TMEM59: variants seen among roughly 807,000 people sequenced by gnomAD.
TMEM59 encodes the protein dendritic cell factor 1.
Under a neutral mutation model 42.2 loss-of-function variants are expected in TMEM59, and 44 were observed. The ratio of observed to expected loss-of-function variants is 1.04; its 90% confidence interval spans 0.82 to 1.34. The LOEUF (loss-of-function observed/expected upper bound fraction) is 1.34. Ranked by LOEUF, TMEM59 falls within the 40% of genes most tolerant of loss-of-function variation. The pLI is 0.00. For missense variants in TMEM59, 359 were observed against 382.8 expected, an observed-to-expected ratio of 0.94 and a Z score of 0.52; for synonymous variants, 148 against 145.8, an observed-to-expected ratio of 1.02 and a Z score of -0.11.
At chr1:54,050,177 G>A (rs769473698) in intron 1 of TMEM59, among the ~76,000 whole-genome samples, 8 of 151,528 alleles carry the variant, frequency 5.3e-5, no homozygotes, top group Non-Finnish European at 7.4e-5. Context: ...CCAGGCTGGA[G>A]TGCAGTGGCA....
At chr1:54,038,901 A>G (rs1438344897) in intron 6 of TMEM59, among the ~76,000 whole-genome samples, 1 of 152,228 alleles carries the variant, frequency 6.6e-6, no homozygotes, top group Non-Finnish European at 1.5e-5. Flanking sequence ...AGGCAGTGCA[A>G]TGGCACGATC....
At chr1:54,041,215 A>G (rs912053204) in intron 5 of TMEM59, among the ~76,000 whole-genome samples, 2 of 152,254 alleles carry the variant, frequency 1.3e-5, no homozygotes, top group Non-Finnish European at 2.9e-5. Context: ...AAAATAAGGT[A>G]TGAGGAAATT....
intron 7 of TMEM59, among the ~76,000 whole-genome samples, chr1:54,035,169 A>G (rs893471559): frequency 6.6e-6 from 1 of 152,214 alleles, no homozygotes; most frequent in Non-Finnish European, 1.5e-5. Flanking sequence ...TCACCTTAAT[A>G]AAAATATTAA....
At chr1:54,040,949 T>A (rs147196425) in intron 5 of TMEM59, 112 bp from the exon 6 acceptor site, 17 of 787,472 alleles carry the variant, frequency 2.2e-5, no homozygotes, top group Middle Eastern at 3.7e-4. Context: ...TTTGTTTGTG[T>A]CATCTGATAC....
intron 7 of TMEM59, among the ~76,000 whole-genome samples, chr1:54,035,824 G>T (rs535794668): frequency 6.6e-6 from 1 of 152,232 alleles, no homozygotes. Flanking sequence ...ATGTTGCCCA[G>T]GCTGGTCTCA....
intron 5 of TMEM59, 59 bp from the exon 6 acceptor site, chr1:54,040,896 T>C: frequency 7.5e-7 from 1 of 1,330,118 alleles, no homozygotes; most frequent in South Asian, 1.2e-5. Flanking sequence ...TAGTCTCACA[T>C]GACTACTTCT....
chr1:54,047,344 C>A lies in TMEM59; in HGVS notation c.218G>T (p.Gly73Val). ...KEEELYACQR[G>V]CRLFSICQFV... Reference sequence around the variant, plus strand: ...CTGACAAATTGAAAACAGCCTGCAACCTCTCTGACATGCGTACAACTCCTC... The same window carrying A: ...CTGACAAATTGAAAACAGCCTGCAAACTCTCTGACATGCGTACAACTCCTC... The change falls in exon 2 of 8, where the codon GGT becomes GTT. Residue 73 changes from glycine to valine, a missense_variant. By Grantham distance (109) the Gly-to-Val change is moderately radical. Coordinates refer to ENST00000234831, the MANE Select transcript of TMEM59 (RefSeq NM_004872.5). The A allele has an allele frequency of 6.2e-7, 1 of 1,613,870 alleles. No homozygotes were observed. Among genetic ancestry groups the A allele is most frequent in the South Asian group, 1.1e-5 (1 of 91,052 alleles).
chr1:54,029,673 G>A lies in TMEM59; in HGVS notation c.*2477C>T, dbSNP rs1007683971. On this transcript the variant is annotated 3_prime_UTR_variant, in exon 8 of 8. Coordinates refer to ENST00000234831, the MANE Select transcript of TMEM59 (RefSeq NM_004872.5). ...ATATTTTGGGGATTTTTTTTCAAAA[G>A]TAAAATATTTCTTCTCAAAAGTAGA... 1.3e-5 allele frequency: 2 copies of A among 151,994 alleles called. No individual in the cohort carries two copies. The highest frequency in any genetic ancestry group is 2.9e-5 in the Non-Finnish European group (2 of 67,998). 9.4% of individuals were successfully genotyped at this position (151,994 alleles called of 1,614,324 possible).
At chr1:54,047,485 A>C in intron 1 of TMEM59, 113 bp from the exon 2 acceptor site, 1 of 825,390 alleles carries the variant, frequency 1.2e-6, no homozygotes, top group Admixed American at 2.9e-5. Context: ...TCGTCCAGTA[A>C]GTTTCATAAC....
At chr1:54,041,836 T>C (rs762255005) in intron 4 of TMEM59, 31 bp from the exon 5 acceptor site, 2 of 1,561,472 alleles carry the variant, frequency 1.3e-6, no homozygotes, top group Non-Finnish European at 1.8e-6. Flanking sequence ...ATTAAGTCAT[T>C]TGTACTTCTT....
intron 6 of TMEM59, 21 bp downstream of exon 6, chr1:54,040,735 A>T: frequency 6.3e-7 from 1 of 1,579,926 alleles, no homozygotes; most frequent in South Asian, 1.1e-5. Flanking sequence ...TGTTATACAC[A>T]TAATAAAGAG....
chr1:54,046,146 G>A (rs1485730819), intron 2 of TMEM59, among the ~76,000 whole-genome samples: 1 of 152,178 alleles, frequency 6.6e-6, no homozygotes. Flanking sequence ...GACCTGAGCT[G>A]AGCAGTTTAA....
chr1:54,034,417 G>A (rs1259713883), intron 7 of TMEM59: 1 of 152,144 alleles, frequency 6.6e-6, no homozygotes, highest in Non-Finnish European at 1.5e-5. Context: ...TGCCTCAGGG[G>A]AACAACTATC....
intron 1 of TMEM59, among the ~76,000 whole-genome samples, chr1:54,050,580 T>G (rs1338564872): frequency 6.6e-6 from 1 of 151,744 alleles, no homozygotes; most frequent in South Asian, 2.1e-4. Flanking sequence ...TTTTTTTTTT[T>G]GATGCAGAGT....
In TMEM59 at chr1:54,053,005, G is replaced by C. The variant is rs200184854; in HGVS notation, c.184C>G (p.Pro62Ala). The C allele has an allele frequency of 1.2e-6, 2 of 1,613,562 alleles. No homozygotes were observed. The highest frequency in any genetic ancestry group is 1.7e-6 in the Non-Finnish European group (2 of 1,179,652). Residue 62 changes from proline (P) to alanine (A), a missense_variant, in exon 1 of 8, where the codon CCT (proline) becomes GCT (alanine). Physicochemically the swap from Pro to Ala is conservative, Grantham distance 27. Transcript: ENST00000234831. Reference sequence around the variant, plus strand: ...CCGCTCCGGACGGGCCCTACCTTAGGGTAGGTGTGCAAGGGGTAGGTCAAC... The same window carrying C: ...CCGCTCCGGACGGGCCCTACCTTAGCGTAGGTGTGCAAGGGGTAGGTCAAC... ...CQLTYPLHTY[P>A]KEEELYACQR... is the part of the protein sequence containing the mutation.
intron 7 of TMEM59, among the ~76,000 whole-genome samples, chr1:54,035,205 C>A (rs1656905018): frequency 6.6e-6 from 1 of 152,144 alleles, no homozygotes; most frequent in South Asian, 2.1e-4. Context: ...AATCATTTTT[C>A]ATGTGCAAAT....
intron 5 of TMEM59, among the ~76,000 whole-genome samples, chr1:54,041,041 T>G (rs1657120928): frequency 6.6e-6 from 1 of 152,240 alleles, no homozygotes; most frequent in Non-Finnish European, 1.5e-5. Context: ...TGTTTTATTT[T>G]CAAATTCTTA....
At chr1:54,050,335 C>A (rs1657486791) in intron 1 of TMEM59, among the ~76,000 whole-genome samples, 1 of 151,930 alleles carries the variant, frequency 6.6e-6, no homozygotes, top group African/African-American at 2.4e-5. Flanking sequence ...GTTGGTCAGG[C>A]TGATCTTGAA....
At chr1:54,038,406 CTGTG>C (rs374997748) in intron 6 of TMEM59, among the ~76,000 whole-genome samples, 1 of 152,150 alleles carries the variant, frequency 6.6e-6, no homozygotes, top group East Asian at 1.9e-4. Flanking sequence ...ATGTGTAGGA[CTGTG>C]TGTGTGTATA....
Sources: allele counts gnomAD v4.1 joint callset (sites outside exome capture counted in the v4.1 genomes callset), GRCh38; gene constraint gnomAD v4.1.1; transcripts MANE v1.5; gene names NCBI Gene and HGNC (gene_info 2026-07-23, HGNC 2026-07-21).